The following PCDHA4 variants were observed in gnomAD, a reference collection of about 807,000 sequenced individuals.
PCDHA4 encodes the protein protocadherin alpha 4.
PCDHA4 carries 49 observed loss-of-function variants against 61.4 expected under a neutral mutation model. The observed-to-expected ratio is 0.80, with a 90% CI of 0.63 to 1.01. The LOEUF (loss-of-function observed/expected upper bound fraction) is 1.01, where lower values mean the gene tolerates loss of function less well. PCDHA4 is among the 50% of genes least tolerant of loss of function. The pLI is 0.00. For missense variants in PCDHA4, 1,254 were observed against 1,235.8 expected, an observed-to-expected ratio of 1.01 and a Z score of -0.22; for synonymous variants, 590 against 550.3, an observed-to-expected ratio of 1.07 and a Z score of -1.01.
chr5:140,808,913 G>T lies in PCDHA4; in HGVS notation c.1726G>T (p.Ala576Ser), dbSNP rs1396651990. Residue 576 changes from alanine (A) to serine (S), a missense_variant, in exon 1 of 4, where the codon GCA (alanine) becomes TCA (serine). Physicochemically the swap from Ala to Ser is moderately conservative, Grantham distance 99. Transcript: ENST00000530339. ...GCCTCGGGCGGGTGGCACTGGTGGC[G>T]CAGTGAGCGAGCTGGTGCCATGGTC... ...LAPRAGGTGGAVSELVPWSVG... is the reference protein window; with the variant it reads ...LAPRAGGTGGSVSELVPWSVG... 7 of 1,613,442 alleles carry T rather than the reference G, an allele frequency of 4.3e-6. No individual in the cohort carries two copies. The highest frequency in any genetic ancestry group is 4.0e-5 in the African/African-American group (3 of 74,940).
chr5:141,009,372 T>C (rs1026606654), intron 3 of PCDHA4, among the ~76,000 whole-genome samples: 3 of 152,152 alleles, frequency 2.0e-5, no homozygotes, highest in Non-Finnish European at 1.5e-5. Context: ...GATGGGAGGA[T>C]TGATTGAGCA....
chr5:141,002,141 A>G (rs1554258528), intron 3 of PCDHA4, among the ~76,000 whole-genome samples: 3 of 152,258 alleles, frequency 2.0e-5, no homozygotes, highest in Admixed American at 6.5e-5. Context: ...TGCCGGCTGC[A>G]CTGACTTAGC....
intron 1 of PCDHA4, among the ~76,000 whole-genome samples, chr5:140,898,613 T>A (rs561301118): frequency 6.6e-6 from 1 of 152,346 alleles, no homozygotes; most frequent in South Asian, 2.1e-4. Flanking sequence ...TAGTTTGAAG[T>A]CAGGTAGCAT....
chr5:140,927,755 C>G (rs1388061408), intron 1 of PCDHA4: 6 of 1,614,196 alleles, frequency 3.7e-6, no homozygotes, highest in Non-Finnish European at 5.1e-6. Flanking sequence ...CACGTGCACC[C>G]TAAAAGTGGG....
rs186574903 is a variant in PCDHA4, at chr5:140,898,271, A to T, written c.2386-80678A>T. On this transcript the variant is annotated intron_variant, in intron 1 of 3. Transcript: ENST00000530339. The stretch of plus-strand genomic sequence containing the variant: ...AGACATGAAGTCCTTGCCCATGCCT[A>T]AGTTCTGAATGGTAATGCCTAGGTT... 4.6e-3 allele frequency among the ~76,000 whole-genome samples: 703 copies of T among 152,290 alleles called. 3 individuals carry two copies. The highest frequency in any genetic ancestry group is 0.016 in the African/African-American group (680 of 41,550).
chr5:140,877,308 A>C lies in PCDHA4; in HGVS notation c.2385+67736A>C, dbSNP rs2057012120. ...ACGCTTGGCTGTCCTACGAGTTGCAACCGGCGGCGGTCGGCGCGCACATCC... is the reference window on the plus strand; with the variant it reads ...ACGCTTGGCTGTCCTACGAGTTGCACCCGGCGGCGGTCGGCGCGCACATCC... On this transcript the variant is annotated intron_variant, in intron 1 of 3. Coordinates refer to ENST00000530339, the MANE Select transcript of PCDHA4 (RefSeq NM_018907.4). The C allele has an allele frequency of 1.9e-6, 3 of 1,613,898 alleles. No individual in the cohort carries two copies. In the East Asian group the frequency reaches 6.7e-5, roughly 36 times the overall value.
chr5:140,860,424 C>T (rs1554153356), intron 1 of PCDHA4: 1 of 152,034 alleles, frequency 6.6e-6, no homozygotes, highest in Non-Finnish European at 1.5e-5. Flanking sequence ...CATTATCCTG[C>T]AAATATGATC....
intron 1 of PCDHA4, chr5:140,868,074 T>C (rs1554161742): frequency 6.6e-6 from 1 of 152,138 alleles, no homozygotes; most frequent in Non-Finnish European, 1.5e-5. Context: ...AGGGTGATTT[T>C]ATTTATTTTA....
intron 3 of PCDHA4, among the ~76,000 whole-genome samples, chr5:141,006,373 G>A (rs550999366): frequency 1.1e-4 from 17 of 151,910 alleles, no homozygotes; most frequent in African/African-American, 3.1e-4. Context: ...CACCACGCCC[G>A]GCTAAGTTTT....
rs2150174166 is a variant in PCDHA4, at chr5:140,829,768, C to A, written c.2385+20196C>A. ...TGCAGGTGTTCGTGCTGGACGAGAACGACAACGCGCCGGCGCTGCTGGCGC... is the reference window on the plus strand; with the variant it reads ...TGCAGGTGTTCGTGCTGGACGAGAAAGACAACGCGCCGGCGCTGCTGGCGC... On this transcript the variant is annotated intron_variant, in intron 1 of 3. Transcript: ENST00000530339. The A allele has an allele frequency of 3.1e-6, 5 of 1,613,766 alleles. No homozygotes were observed. The East Asian group carries it at 6.7e-5, about 22-fold the overall frequency.
Position 140,841,423 on chromosome 5 carries a change from C to T in PCDHA4, c.2385+31851C>T, listed in dbSNP as rs139433967. ...TGGGGAGCGGCCAGCTCCACTACTCCGTCCCCGAGGAGGCCAAACACGGCA... is the reference window on the plus strand; with the variant it reads ...TGGGGAGCGGCCAGCTCCACTACTCTGTCCCCGAGGAGGCCAAACACGGCA... On this transcript the variant is annotated intron_variant, in intron 1 of 3. Coordinates refer to ENST00000530339, the MANE Select transcript of PCDHA4 (RefSeq NM_018907.4). 4.9e-4 allele frequency: 796 copies of T among 1,610,400 alleles called. 13 individuals carry two copies. The African/African-American group carries it at 8.8e-3, about 18-fold the overall frequency.
intron 1 of PCDHA4, among the ~76,000 whole-genome samples, chr5:140,903,721 C>A (rs2070530222): frequency 6.6e-6 from 1 of 152,152 alleles, no homozygotes; most frequent in Non-Finnish European, 1.5e-5. Flanking sequence ...ACAATTCTCC[C>A]TATTATCAAT....
intron 1 of PCDHA4, among the ~76,000 whole-genome samples, chr5:140,909,000 G>C (rs569548757): frequency 9.8e-5 from 15 of 152,296 alleles, no homozygotes; most frequent in Non-Finnish European, 1.8e-4. Flanking sequence ...AAATTTTACT[G>C]AGGTAGAAGG....
intron 1 of PCDHA4, among the ~76,000 whole-genome samples, chr5:140,906,797 A>G (rs2072940556): frequency 6.6e-6 from 1 of 151,964 alleles, no homozygotes; most frequent in African/African-American, 2.4e-5. Context: ...TTCCATGCAT[A>G]CTCTTCCTTA....
intron 1 of PCDHA4, among the ~76,000 whole-genome samples, chr5:140,919,658 T>C (rs1271844986): frequency 2.0e-5 from 3 of 152,230 alleles, no homozygotes; most frequent in Non-Finnish European, 2.9e-5. Context: ...GTTTACCATA[T>C]ATATTTTAGC....
At chr5:140,985,670 G>A (rs1554247237) in intron 3 of PCDHA4, among the ~76,000 whole-genome samples, 1 of 152,024 alleles carries the variant, frequency 6.6e-6, no homozygotes, top group East Asian at 1.9e-4. Flanking sequence ...AAAGGAAGTG[G>A]GGCCTGCCTT....
intron 1 of PCDHA4, chr5:140,857,971 G>A: frequency 6.3e-7 from 1 of 1,596,806 alleles, no homozygotes; most frequent in Non-Finnish European, 8.6e-7. Flanking sequence ...AGACTGACTC[G>A]CCACGCCAGC....
At position 140,851,996 on chromosome 5, in the gene PCDHA4, G is replaced by A. The variant is rs782761862; in HGVS notation, c.2385+42424G>A. ...TACCTTTAGTGCAAGCTATTTGTTT[G>A]TTTTCTAATTTATAGTTTTAAAAAC... On this transcript the variant is annotated intron_variant, in intron 1 of 3. Transcript: ENST00000530339. The A allele has an allele frequency of 4.9e-4, 481 of 975,902 alleles. 33 individuals carry two copies. Among genetic ancestry groups the A allele is most frequent in the Admixed American group, 1.4e-3 (23 of 15,868 alleles). The allele number at this position is 975,902 out of a possible 1,614,324, so 60.5% of individuals were successfully genotyped here.
intron 1 of PCDHA4, among the ~76,000 whole-genome samples, chr5:140,913,163 T>C (rs1248646454): frequency 1.3e-5 from 2 of 152,198 alleles, no homozygotes; most frequent in African/African-American, 4.8e-5. Context: ...AGGATTGGTA[T>C]TAGTTCTTCT....
Sources: allele counts gnomAD v4.1 joint callset (sites outside exome capture counted in the v4.1 genomes callset), GRCh38; gene constraint gnomAD v4.1.1; transcripts MANE v1.5; gene names NCBI Gene and HGNC (gene_info 2026-07-23, HGNC 2026-07-21).